Variants in CNNM2 observed in about 807,000 individuals in gnomAD.
CNNM2 encodes cyclin and CBS domain divalent metal cation transport mediator 2.
Under a neutral mutation model 66.9 loss-of-function variants are expected in CNNM2, and 12 were observed. The ratio of observed to expected loss-of-function variants is 0.18; its 90% CI spans 0.11 to 0.29. The LOEUF (loss-of-function observed/expected upper bound fraction) is 0.29, where lower values mean the gene tolerates loss of function less well. Among genes scored for constraint, CNNM2 ranks in the 10% least tolerant of loss-of-function variants. The pLI is 1.00. For missense variants in CNNM2, 705 were observed against 1,167.7 expected (o/e 0.60, Z 5.77); for synonymous variants, 557 against 501.8 (o/e 1.11, Z -1.47).
chr10:103,088,846 A>C lies in CNNM2; in HGVS notation c.*11666A>C. ...AAGAAATCTGGAATTGGGTAGCATG[A>C]GCCACAGCTATATAGCCCACACTAA... On this transcript the variant is annotated 3_prime_UTR_variant, in exon 8 of 8. Transcript: ENST00000369878. 1 of 198,614 alleles carries C rather than the reference A, an allele frequency of 5.0e-6. No homozygotes were observed. Among genetic ancestry groups the C allele is most frequent in the South Asian group, 1.9e-4 (1 of 5,232 alleles). 12.3% of individuals were successfully genotyped at this position (198,614 alleles called of 1,614,324 possible).
chr10:102,991,203 G>A (rs1462788218), intron 1 of CNNM2, among the ~76,000 whole-genome samples: 3 of 151,932 alleles, frequency 2.0e-5, no homozygotes, highest in African/African-American at 7.3e-5. Flanking sequence ...GGCCAGACTG[G>A]TCTCGAACTC....
At chr10:103,036,140 C>G (rs2064934011) in intron 1 of CNNM2, among the ~76,000 whole-genome samples, 1 of 151,794 alleles carries the variant, frequency 6.6e-6, no homozygotes, top group Non-Finnish European at 1.5e-5. Context: ...CACACACACA[C>G]ACACACACTC....
chr10:103,024,633 C>T (rs2064662947), intron 1 of CNNM2, among the ~76,000 whole-genome samples: 1 of 152,050 alleles, frequency 6.6e-6, no homozygotes, highest in African/African-American at 2.4e-5. Context: ...TGCGTGCCAC[C>T]ATGCCTGGCT....
At chr10:102,971,011 T>C (rs1200202710) in intron 1 of CNNM2, among the ~76,000 whole-genome samples, 1 of 149,858 alleles carries the variant, frequency 6.7e-6, no homozygotes, top group Non-Finnish European at 1.5e-5. Context: ...GACAAGATGG[T>C]GAGACCCTGT....
At position 102,937,371 on chromosome 10, in the gene CNNM2, C is replaced by CA. The variant is rs34466179; in HGVS notation, c.1621+17283dup. Among the ~76,000 whole-genome samples the CA allele has an allele frequency of 8.5e-4, 122 of 143,262 alleles. 1 individual carries two copies. In the East Asian group the frequency reaches 9.0e-3, roughly 11 times the overall value. 94.0% of individuals were successfully genotyped at this position (143,262 alleles called of 152,430 possible). A position where few individuals can be genotyped will look rare whatever the true frequency, so the allele number is the denominator to read the frequency against. The stretch of plus-strand genomic sequence containing the variant: ...TGGGCAAAATAGCGAGACCCCATCT[C>CA]AAAAAAAAAAAAATGTTTTGTTAAG... On this transcript the variant is annotated intron_variant, in intron 1 of 7. Transcript: ENST00000369878.
intron 4 of CNNM2, among the ~76,000 whole-genome samples, chr10:103,062,397 G>A (rs891578140): frequency 6.6e-6 from 1 of 152,074 alleles, no homozygotes; most frequent in Non-Finnish European, 1.5e-5. Flanking sequence ...TAAGTTGCAC[G>A]GTCTGTGTAC....
chr10:103,083,194 T>G lies in CNNM2; in HGVS notation c.*6014T>G, dbSNP rs2065773452. 1 of 152,238 alleles carries G rather than the reference T, an allele frequency of 6.6e-6. No homozygotes were observed. The highest frequency in any genetic ancestry group is 1.5e-5 in the Non-Finnish European group (1 of 68,032). 9.4% of individuals were successfully genotyped at this position (152,238 alleles called of 1,614,324 possible). On this transcript the variant is annotated 3_prime_UTR_variant, in exon 8 of 8. Coordinates refer to ENST00000369878, the MANE Select transcript of CNNM2 (RefSeq NM_017649.5). The stretch of plus-strand genomic sequence containing the variant: ...AACACAGTATTCAGAGCTGTGTACA[T>G]AAACCTAAATAAGCACAAATGACAT...
At chr10:103,014,983 T>A (rs969105551) in intron 1 of CNNM2, among the ~76,000 whole-genome samples, 1 of 152,222 alleles carries the variant, frequency 6.6e-6, no homozygotes, top group Non-Finnish European at 1.5e-5. Context: ...CCCCAGGCAC[T>A]TCAAACTTCT....
In CNNM2 at chr10:103,022,432, A is replaced by G. The variant is rs74646634; in HGVS notation, c.1622-27275A>G. Among the ~76,000 whole-genome samples the G allele has an allele frequency of 0.015, 2,265 of 152,252 alleles. 59 individuals are homozygous for G. The highest frequency in any genetic ancestry group is 0.051 in the African/African-American group (2,105 of 41,526). On this transcript the variant is annotated intron_variant, in intron 1 of 7. Coordinates refer to ENST00000369878, the MANE Select transcript of CNNM2 (RefSeq NM_017649.5). ...CTTATAGACAAGGTGTCCCCCTGCT[A>G]TGGTCTGGATCCAGTGATGTTAGAA...
intron 6 of CNNM2, 81 bp downstream of exon 6, chr10:103,071,920 C>T: frequency 8.2e-7 from 1 of 1,212,462 alleles, no homozygotes; most frequent in Non-Finnish European, 1.2e-6. Context: ...TGGGTCTGCT[C>T]CCTTTACCTG....
chr10:102,947,730 G>C lies in CNNM2; in HGVS notation c.1621+27629G>C, dbSNP rs1187555934. Among the ~76,000 whole-genome samples the C allele has an allele frequency of 3.3e-5, 5 of 151,636 alleles. No individual in the cohort carries two copies. The East Asian group carries it at 9.7e-4, about 29-fold the overall frequency. ...TGCGCCACTGCACTCCATCCAGCCT[G>C]GTTGACAGACTGAGACTCTGTCTCA... On this transcript the variant is annotated intron_variant, in intron 1 of 7. Coordinates refer to ENST00000369878, the MANE Select transcript of CNNM2 (RefSeq NM_017649.5).
chr10:102,964,892 C>T (rs2063436546), intron 1 of CNNM2, among the ~76,000 whole-genome samples: 1 of 152,020 alleles, frequency 6.6e-6, no homozygotes, highest in South Asian at 2.1e-4. Context: ...GAGTTAAGGC[C>T]ATGAGGGCTT....
intron 1 of CNNM2, among the ~76,000 whole-genome samples, chr10:103,012,916 C>T (rs1370798887): frequency 6.6e-6 from 1 of 152,106 alleles, no homozygotes; most frequent in Non-Finnish European, 1.5e-5. Context: ...CTTCTCTTTC[C>T]TTTTCCTATC....
chr10:103,013,996 G>T (rs765128694), intron 1 of CNNM2, among the ~76,000 whole-genome samples: 1 of 152,254 alleles, frequency 6.6e-6, no homozygotes, highest in South Asian at 2.1e-4. Context: ...GAAACTCCTA[G>T]AGTAAGTAAG....
intron 1 of CNNM2, among the ~76,000 whole-genome samples, chr10:103,008,339 G>A (rs1379591936): frequency 2.0e-5 from 3 of 152,168 alleles, no homozygotes; most frequent in Non-Finnish European, 4.4e-5. Flanking sequence ...CAGTGGCAAA[G>A]CTTTATACCA....
At chr10:102,958,629 C>T (rs1306179660) in intron 1 of CNNM2, among the ~76,000 whole-genome samples, 1 of 151,646 alleles carries the variant, frequency 6.6e-6, no homozygotes, top group East Asian at 1.9e-4. Context: ...TGCCACCACG[C>T]CCAGCTAATT....
chr10:102,999,237 AT>A (rs776992441), intron 1 of CNNM2, among the ~76,000 whole-genome samples: 1,868 of 128,876 alleles, frequency 0.014, 25 homozygotes, highest in African/African-American at 0.04. Flanking sequence ...TGCCCGGCTA[AT>A]TTTTTTTTTT....
intron 1 of CNNM2, among the ~76,000 whole-genome samples, chr10:103,008,009 A>G (rs552560844): frequency 6.6e-6 from 1 of 152,274 alleles, no homozygotes; most frequent in African/African-American, 2.4e-5. Context: ...TCCCACAACA[A>G]TTTCTCTTCA....
Position 103,089,838 on chromosome 10 carries a change from C to G in CNNM2, c.*12658C>G. 1 of 1,613,974 alleles carries G rather than the reference C, an allele frequency of 6.2e-7. No homozygotes were observed. The highest frequency in any genetic ancestry group is 8.5e-7 in the Non-Finnish European group (1 of 1,179,990). On this transcript the variant is annotated 3_prime_UTR_variant, in exon 8 of 8. Transcript: ENST00000369878. ...TTTGAAATCCACTGATGTGCGGTTC[C>G]GGGTGGCAAGAGGAGACTCCATCTC...
Sources: allele counts gnomAD v4.1 joint callset (sites outside exome capture counted in the v4.1 genomes callset), GRCh38; gene constraint gnomAD v4.1.1; transcripts MANE v1.5; gene names NCBI Gene and HGNC (gene_info 2026-07-23, HGNC 2026-07-21).